ROCK1: variants seen among roughly 807,000 people sequenced by gnomAD.
ROCK1 encodes Rho associated coiled-coil containing protein kinase 1.
ROCK1 carries 36 observed loss-of-function variants against 196.8 expected under a neutral mutation model. That is an observed-to-expected ratio of 0.18 (90% CI 0.14 to 0.24). ROCK1 has a LOEUF of 0.24. Among genes scored for constraint, ROCK1 ranks in the 10% least tolerant of loss-of-function variants. The pLI is 1.00. For synonymous variants in ROCK1, 443 were observed against 515.9 expected, an observed-to-expected ratio of 0.86 and a Z score of 1.91; for missense variants, 920 against 1,562.0, an observed-to-expected ratio of 0.59 and a Z score of 6.93.
chr18:21,104,281 T>C (rs2143605936), intron 1 of ROCK1, among the ~76,000 whole-genome samples: 1 of 152,322 alleles, frequency 6.6e-6, no homozygotes, highest in South Asian at 2.1e-4. Flanking sequence ...TAAAATTTTA[T>C]ATGTAGTTCC....
intron 1 of ROCK1, among the ~76,000 whole-genome samples, chr18:21,072,481 A>C (rs1158267281): frequency 1.3e-5 from 2 of 152,216 alleles, no homozygotes; most frequent in Admixed American, 1.3e-4. Context: ...TGCACAATGC[A>C]AGGAATGTGT....
At chr18:20,965,083 G>C (rs1280644193) in intron 27 of ROCK1, among the ~76,000 whole-genome samples, 1 of 152,088 alleles carries the variant, frequency 6.6e-6, no homozygotes, top group Non-Finnish European at 1.5e-5. Context: ...TCAGGATTTC[G>C]AACTGACACT....
intron 25 of ROCK1, 74 bp downstream of exon 25, chr18:20,968,698 T>G (rs1347463790): frequency 5.7e-6 from 5 of 878,918 alleles, no homozygotes; most frequent in Non-Finnish European, 9.5e-6. Flanking sequence ...AAGCCTTGGT[T>G]TTAGGAAAAA....
At chr18:21,108,643 C>T (rs1296153642) in intron 1 of ROCK1, among the ~76,000 whole-genome samples, 1 of 152,138 alleles carries the variant, frequency 6.6e-6, no homozygotes, top group Non-Finnish European at 1.5e-5. Context: ...TCTTTGGTTC[C>T]CCATCTTTTC....
intron 4 of ROCK1, among the ~76,000 whole-genome samples, chr18:21,046,993 A>G (rs2036166391): frequency 6.6e-6 from 1 of 152,154 alleles, no homozygotes; most frequent in Admixed American, 6.5e-5. Context: ...ATTTTAATGT[A>G]AAAAATGTAT....
At chr18:21,043,549 T>G (rs2036127112) in intron 6 of ROCK1, among the ~76,000 whole-genome samples, 1 of 144,136 alleles carries the variant, frequency 6.9e-6, no homozygotes, top group Admixed American at 6.9e-5. Context: ...TTATGTTATT[T>G]ATTATATGTA....
intron 16 of ROCK1, among the ~76,000 whole-genome samples, chr18:20,998,597 C>CTTTTTTTTTTTTTTTTT (rs541265477): frequency 1.0e-5 from 1 of 97,318 alleles, no homozygotes; most frequent in Non-Finnish European, 2.0e-5. Flanking sequence ...TTTTACCAAA[C>CTTTTTTTTTTTTTTTTT]TTTTTTTTTT....
chr18:21,099,124 C>T lies in ROCK1; in HGVS notation c.93+11694G>A, dbSNP rs148659156. 4.6e-3 allele frequency among the ~76,000 whole-genome samples: 702 copies of T among 152,230 alleles called. 2 individuals carry two copies. The highest frequency in any genetic ancestry group is 0.014 in the Middle Eastern group (4 of 294). ...CACACTGGTAAAAATATAAACAACT[C>T]AAATGTCCATCCATAGGAGACTGAA... On this transcript the variant is annotated intron_variant, in intron 1 of 32. Transcript: ENST00000399799.
intron 6 of ROCK1, among the ~76,000 whole-genome samples, chr18:21,043,085 G>A (rs1210851854): frequency 3.3e-5 from 5 of 152,148 alleles, no homozygotes; most frequent in African/African-American, 1.2e-4. Context: ...TTTAACTGCT[G>A]AGAACAAGTA....
chr18:21,009,035 A>G (rs948934962), intron 13 of ROCK1, among the ~76,000 whole-genome samples: 23 of 152,136 alleles, frequency 1.5e-4, no homozygotes, highest in African/African-American at 5.3e-4. Flanking sequence ...GTCACTAGTT[A>G]TAGCCACACC....
In ROCK1 at chr18:20,992,946, T is replaced by A; in HGVS notation, c.1886-9A>T. 1 of 1,578,574 alleles carries A rather than the reference T, an allele frequency of 6.3e-7. No homozygotes were observed. On this transcript the variant is annotated splice_polypyrimidine_tract_variant and intron_variant, in intron 16 of 32. Transcript: ENST00000399799. ...TAAAGATGTAATTCGAGCTATCAAG[T>A]GAGAAAAAAGTTCAAGTCTGTAGTC...
chr18:21,069,190 A>C (rs1376108126), intron 2 of ROCK1, among the ~76,000 whole-genome samples: 1 of 152,130 alleles, frequency 6.6e-6, no homozygotes, highest in Non-Finnish European at 1.5e-5. Flanking sequence ...AAATTTTATC[A>C]AATGCTTTTT....
intron 22 of ROCK1, among the ~76,000 whole-genome samples, chr18:20,972,052 C>T (rs1223197796): frequency 6.6e-6 from 1 of 151,946 alleles, no homozygotes; most frequent in African/African-American, 2.4e-5. Flanking sequence ...AGTAGGGGGA[C>T]AATGGCAGAA....
intron 19 of ROCK1, among the ~76,000 whole-genome samples, chr18:20,984,957 T>TA (rs1339456985): frequency 6.6e-6 from 1 of 151,838 alleles, no homozygotes; most frequent in African/African-American, 2.4e-5. Flanking sequence ...TACAAAAAAA[T>TA]ACAAAAATTG....
In ROCK1 at chr18:21,111,710, GC is replaced by G. The variant is rs2036754992; in HGVS notation, c.-801del. On this transcript the variant is annotated 5_prime_UTR_variant, in exon 1 of 33. Transcript: ENST00000399799. The surrounding 1 kb of genome is among the most constrained non-coding windows in gnomAD (Gnocchi z 4.2). The stretch of plus-strand genomic sequence containing the variant: ...GGCTGCGGTCCCAGCCGGGGAAAGG[GC>G]GAGTCGCGGCGGCGAATGCCTGGGG... 6.5e-6 allele frequency: 1 copy of G among 153,282 alleles called. No individual in the cohort carries two copies. Among genetic ancestry groups the G allele is most frequent in the Non-Finnish European group, 1.5e-5 (1 of 68,704 alleles). The allele number at this position is 153,282 out of a possible 1,614,324, so 9.5% of individuals were successfully genotyped here.
chr18:21,062,323 G>A (rs1423366087), intron 2 of ROCK1, among the ~76,000 whole-genome samples: 1 of 152,068 alleles, frequency 6.6e-6, no homozygotes, highest in Non-Finnish European at 1.5e-5. Flanking sequence ...ACAGGAGTAG[G>A]AGCTGGGTCC....
rs766649988 is a variant in ROCK1, at chr18:20,992,967, T to C, written c.1886-30A>G. 10 of 1,378,558 alleles carry C rather than the reference T, an allele frequency of 7.3e-6. No individual in the cohort carries two copies. The Admixed American group carries it at 1.3e-4, about 17-fold the overall frequency. 85.4% of individuals were successfully genotyped at this position (1,378,558 alleles called of 1,614,324 possible). On this transcript the variant is annotated intron_variant, in intron 16 of 32. Coordinates refer to ENST00000399799, the MANE Select transcript of ROCK1 (RefSeq NM_005406.3). ...CAAGTGAGAAAAAAGTTCAAGTCTG[T>C]AGTCATTGAAAGAAGTCTTTTTGTT...
At chr18:20,991,742 C>T (rs1334905953) in intron 17 of ROCK1, among the ~76,000 whole-genome samples, 1 of 152,062 alleles carries the variant, frequency 6.6e-6, no homozygotes, top group Non-Finnish European at 1.5e-5. Flanking sequence ...TCAAGCTATC[C>T]TCCAGCCTTA....
chr18:21,032,750 G>A (rs2036020578), intron 9 of ROCK1, among the ~76,000 whole-genome samples: 1 of 148,254 alleles, frequency 6.7e-6, no homozygotes, highest in South Asian at 2.1e-4. Flanking sequence ...TCGAACTCCT[G>A]GCCTCAAGTG....
Sources: allele counts gnomAD v4.1 joint callset (sites outside exome capture counted in the v4.1 genomes callset), GRCh38; gene constraint gnomAD v4.1.1; non-coding constraint Gnocchi (gnomAD v3.1); transcripts MANE v1.5; gene names NCBI Gene and HGNC (gene_info 2026-07-23, HGNC 2026-07-21).